The following RBFOX1 variants were observed in gnomAD, a reference collection of about 807,000 sequenced individuals.
The protein encoded by RBFOX1 is RNA binding fox-1 homolog 1, also known as RNA binding protein fox-1 homolog 1.
RBFOX1 carries 8 observed loss-of-function variants against 57.7 expected under a neutral mutation model. That is an observed-to-expected ratio of 0.14 (90% CI 0.08 to 0.25). The LOEUF (loss-of-function observed/expected upper bound fraction) is 0.25, where lower values mean the gene tolerates loss of function less well. Ranked by LOEUF, RBFOX1 falls within the 10% of genes least tolerant of loss-of-function variation. The pLI is 1.00. For missense variants in RBFOX1, 611 were observed against 548.5 expected, an observed-to-expected ratio of 1.11 and a Z score of -1.14; for synonymous variants, 326 against 222.4, an observed-to-expected ratio of 1.47 and a Z score of -4.15.
At chr16:7,420,788 T>C (rs1478532950) in intron 4 of RBFOX1, among the ~76,000 whole-genome samples, 2 of 150,986 alleles carry the variant, frequency 1.3e-5, no homozygotes, top group South Asian at 2.1e-4. Flanking sequence ...TCTTATAAGA[T>C]CTGTTCTCTA....
intron 3 of RBFOX1, among the ~76,000 whole-genome samples, chr16:7,034,137 A>C (rs908245930): frequency 6.6e-5 from 10 of 152,102 alleles, no homozygotes; most frequent in African/African-American, 2.2e-4. Context: ...ACGTTGTCTG[A>C]GTGATTCTCA....
intron 4 of RBFOX1, among the ~76,000 whole-genome samples, chr16:7,068,860 G>A (rs2346260): frequency 0.71 from 108,119 of 152,076 alleles, 39,176 homozygotes; most frequent in East Asian, 0.91. Flanking sequence ...ATGTGCTGGG[G>A]TTTCAGGCAT....
At chr16:6,155,141 T>C (rs777792376) in intron 1 of RBFOX1, among the ~76,000 whole-genome samples, 6 of 152,218 alleles carry the variant, frequency 3.9e-5, no homozygotes, top group Non-Finnish European at 7.3e-5. Flanking sequence ...TAAAATCCAT[T>C]GTACATATTT....
chr16:5,811,091 A>G (rs559967363), intron 3 of RBFOX1, among the ~76,000 whole-genome samples: 1 of 150,906 alleles, frequency 6.6e-6, no homozygotes, highest in Non-Finnish European at 1.5e-5. Flanking sequence ...CTAAATCCGT[A>G]CATTGGTTTG....
intron 14 of RBFOX1, among the ~76,000 whole-genome samples, chr16:7,689,277 T>C (rs1211747840): frequency 6.6e-6 from 1 of 152,098 alleles, no homozygotes; most frequent in Admixed American, 6.6e-5. Flanking sequence ...TTGGTAATCC[T>C]TCCTCTTCTC....
At position 6,899,776 on chromosome 16, in the gene RBFOX1, C is replaced by G. The variant is rs888582059; in HGVS notation, c.-15-152281C>G. Among the ~76,000 whole-genome samples, 6 of 152,184 alleles carry G rather than the reference C, an allele frequency of 3.9e-5. No homozygotes were observed. In the South Asian group the frequency reaches 6.2e-4, roughly 16 times the overall value. On this transcript the variant is annotated intron_variant, in intron 3 of 15. Coordinates refer to ENST00000550418, the MANE Select transcript of RBFOX1 (RefSeq NM_018723.4). ...ATTTACATGAATGAAGTACATCATA[C>G]TTACATATTTGAAGTATGGACACCT...
intron 2 of RBFOX1, among the ~76,000 whole-genome samples, chr16:6,412,908 C>G (rs969718489): frequency 2.6e-5 from 4 of 152,118 alleles, no homozygotes; most frequent in Admixed American, 6.5e-5. Flanking sequence ...GTGGCACTAT[C>G]AGAAACGGAA....
At chr16:5,454,899 TTTC>T (rs1221462666) in intron 1 of RBFOX1, among the ~76,000 whole-genome samples, 1,490 of 102,230 alleles carry the variant, frequency 0.015, 72 homozygotes, top group African/African-American at 0.033. Flanking sequence ...TCTTTCTTTC[TTTC>T]TTTCTTTCTT....
chr16:7,475,102 G>T (rs1344892653), intron 4 of RBFOX1, among the ~76,000 whole-genome samples: 1 of 152,124 alleles, frequency 6.6e-6, no homozygotes, highest in Non-Finnish European at 1.5e-5. Context: ...AGACAGATGG[G>T]TGCCTCTTTC....
intron 2 of RBFOX1, among the ~76,000 whole-genome samples, chr16:6,497,988 C>G (rs1169261788): frequency 1.3e-5 from 2 of 152,026 alleles, no homozygotes; most frequent in Middle Eastern, 3.2e-3. Flanking sequence ...GTGGTTCATG[C>G]CTGTAATCCC....
intron 3 of RBFOX1, among the ~76,000 whole-genome samples, chr16:5,862,476 G>T (rs544177038): frequency 8.5e-5 from 13 of 152,230 alleles, no homozygotes; most frequent in South Asian, 8.3e-4. Context: ...GCAGGGATGG[G>T]GTGACCTGCA....
intron 4 of RBFOX1, among the ~76,000 whole-genome samples, chr16:7,381,170 T>A (rs567898105): frequency 6.6e-6 from 1 of 152,318 alleles, no homozygotes; most frequent in South Asian, 2.1e-4. Flanking sequence ...TTCTCCCACG[T>A]TAAACTTAAA....
chr16:6,549,378 A>AAGG lies in RBFOX1; in HGVS notation c.-63-105221_-63-105219dup, dbSNP rs1355491713. 9.7e-3 allele frequency among the ~76,000 whole-genome samples: 90 copies of AAGG among 9,246 alleles called. 7 individuals are homozygous for AAGG. Among genetic ancestry groups the AAGG allele is most frequent in the African/African-American group, 0.026 (75 of 2,870 alleles). 6.1% of individuals were successfully genotyped at this position (9,246 alleles called of 152,430 possible). A position where few individuals can be genotyped will look rare whatever the true frequency, so the allele number is the denominator to read the frequency against. On this transcript the variant is annotated intron_variant, in intron 2 of 15. Coordinates refer to ENST00000550418, the MANE Select transcript of RBFOX1 (RefSeq NM_018723.4). ...AGGAGGGAAGGAGGAGGAGGGGAAA[A>AAGG]AGGAGGGGACGAGGGAGGGAGGAGG...
At chr16:7,048,328 T>A (rs894032754) in intron 3 of RBFOX1, among the ~76,000 whole-genome samples, 29 of 152,142 alleles carry the variant, frequency 1.9e-4, no homozygotes, top group African/African-American at 6.5e-4. Context: ...GGCACAATCT[T>A]GGCTCACTGC....
chr16:6,764,663 G>T (rs1306541316), intron 3 of RBFOX1, among the ~76,000 whole-genome samples: 2 of 152,204 alleles, frequency 1.3e-5, no homozygotes, highest in African/African-American at 4.8e-5. Context: ...TGGGCTGGGT[G>T]CAGTGGCTCA....
At chr16:5,471,738 C>T (rs572755829) in intron 2 of RBFOX1, among the ~76,000 whole-genome samples, 1 of 152,296 alleles carries the variant, frequency 6.6e-6, no homozygotes, top group East Asian at 1.9e-4. Flanking sequence ...GCTTCAGTGG[C>T]AATAATTCTC....
chr16:6,231,439 A>G (rs1054030605), intron 1 of RBFOX1, among the ~76,000 whole-genome samples: 1 of 152,194 alleles, frequency 6.6e-6, no homozygotes, highest in African/African-American at 2.4e-5. Context: ...CCCAGGTGCT[A>G]TATAAAGATA....
At chr16:6,758,915 T>G (rs369246276) in intron 3 of RBFOX1, among the ~76,000 whole-genome samples, 1 of 151,850 alleles carries the variant, frequency 6.6e-6, no homozygotes, top group African/African-American at 2.4e-5. Context: ...GTTCAGGGAG[T>G]CGGGGGGGAA....
At chr16:5,633,737 C>T (rs1053208311) in intron 3 of RBFOX1, among the ~76,000 whole-genome samples, 16 of 151,644 alleles carry the variant, frequency 1.1e-4, no homozygotes, top group African/African-American at 3.9e-4. Context: ...AGCCGGGCGT[C>T]GTGGTGCATG....
Sources: gnomAD v4.1 joint callset for allele counts (sites outside exome capture counted in the v4.1 genomes callset) on GRCh38, gnomAD v4.1.1 for gene constraint, MANE v1.5 for transcripts, NCBI Gene and HGNC (gene_info 2026-07-23, HGNC 2026-07-21) for gene names.